The following GRIN1 variants were observed in gnomAD, a reference collection of about 807,000 sequenced individuals.
The protein encoded by GRIN1 is glutamate ionotropic receptor NMDA type subunit 1, also known as glutamate receptor ionotropic, NMDA 1.
GRIN1 carries 38 observed loss-of-function variants against 103.0 expected under a neutral mutation model. The ratio of observed to expected loss-of-function variants is 0.37; its 90% CI spans 0.28 to 0.48. The LOEUF (loss-of-function observed/expected upper bound fraction) is 0.48. Ranked by LOEUF, GRIN1 falls within the 20% of genes least tolerant of loss-of-function variation. The pLI, the probability that GRIN1 is intolerant of heterozygous loss-of-function variation, is 0.98. For missense variants in GRIN1, 577 were observed against 1,288.9 expected (o/e 0.45, Z 8.46); for synonymous variants, 544 against 532.7 (o/e 1.02, Z -0.29).
Position 137,146,247 on chromosome 9 carries a change from C to T in GRIN1, c.570+345C>T, listed in dbSNP as rs187275163. 3.3e-5 allele frequency among the ~76,000 whole-genome samples: 5 copies of T among 152,122 alleles called. No homozygotes were observed. Among genetic ancestry groups the T allele is most frequent in the African/African-American group, 4.8e-5 (2 of 41,520 alleles). On this transcript the variant is annotated intron_variant, in intron 3 of 19. Coordinates refer to ENST00000371561, the MANE Select transcript of GRIN1 (RefSeq NM_007327.4). This position sits in a 1 kb window ranked among gnomAD's most constrained non-coding sequence, Gnocchi z 6.7. ...GGCTTGGGACTCGTCACCCTTCCCG[C>T]CCACCCTGTCCTGAGTCCCCAGCAG...
chr9:137,164,162 C>G (rs1717301988), intron 18 of GRIN1: 1 of 548,122 alleles, frequency 1.8e-6, no homozygotes, highest in African/African-American at 1.9e-5. Flanking sequence ...CCTGGCCCCT[C>G]TGTCTCCAGA....
At position 137,168,157 on chromosome 9, in the gene GRIN1, A is replaced by G. The variant is rs1380179066; in HGVS notation, c.*630A>G. On this transcript the variant is annotated 3_prime_UTR_variant, in exon 20 of 20. Coordinates refer to ENST00000371561, the MANE Select transcript of GRIN1 (RefSeq NM_007327.4). ...GGCCCCAGGCGGAGGGGCTTGGAGCAGAGACGGCAGCCCCATCCTTCCCGC... is the reference window on the plus strand; with the variant it reads ...GGCCCCAGGCGGAGGGGCTTGGAGCGGAGACGGCAGCCCCATCCTTCCCGC... The G allele has an allele frequency of 1.0e-5, 5 of 480,234 alleles. 1 individual carries two copies. The highest frequency in any genetic ancestry group is 6.9e-5 in the South Asian group (3 of 43,574). 29.7% of individuals were successfully genotyped at this position (480,234 alleles called of 1,614,324 possible). A position where few individuals can be genotyped will look rare whatever the true frequency, so the allele number is the denominator to read the frequency against.
At position 137,157,026 on chromosome 9, in the gene GRIN1, G is replaced by C. The variant is rs766888803; in HGVS notation, c.957G>C (p.Pro319=). 6.2e-7 allele frequency: 1 copy of C among 1,610,758 alleles called. No individual in the cohort carries two copies. Among genetic ancestry groups the C allele is most frequent in the South Asian group, 1.1e-5 (1 of 91,018 alleles). ...ACACCAACATCTGGAAGACCGGGCCGCTCTTCAAGAGGTGGGCGGGGCCTC... is the reference window on the plus strand; with the variant it reads ...ACACCAACATCTGGAAGACCGGGCCCCTCTTCAAGAGGTGGGCGGGGCCTC... ...VGNTNIWKTG[P]LFKRVLMSSK... is the part of the protein sequence containing the mutation. Residue 319 remains proline, a synonymous_variant, in exon 6 of 20, where the codon CCG becomes CCC. Transcript: ENST00000371561.
Position 137,167,695 on chromosome 9 carries a change from G to T in GRIN1, c.*168G>T, listed in dbSNP as rs1016453298. On this transcript the variant is annotated 3_prime_UTR_variant, in exon 20 of 20. Coordinates refer to ENST00000371561, the MANE Select transcript of GRIN1 (RefSeq NM_007327.4). ...CCGCCCGCCGGTTGGCCGGCTGGCC[G>T]GTCCACCCCGTCCCGGCCCCGCGCG... 29 of 1,592,850 alleles carry T rather than the reference G, an allele frequency of 1.8e-5. No individual in the cohort carries two copies. Among genetic ancestry groups the T allele is most frequent in the Non-Finnish European group, 2.3e-5 (27 of 1,170,002 alleles).
Position 137,163,652 on chromosome 9 carries a change from T to C in GRIN1, c.2427T>C (p.Thr809=). The part of the protein sequence containing the change: ...DSRSNAPATL[T]FENMAGVFML... ...GCAGCAACGCCCCTGCGACCCTTAC[T>C]TTTGAGAACATGGCCGGTGCGTTCT... is the stretch of plus-strand genomic sequence containing the variant. The change falls in exon 17 of 20, where the codon ACT becomes ACC. Residue 809 remains threonine (T), a synonymous_variant. Coordinates refer to ENST00000371561, the MANE Select transcript of GRIN1 (RefSeq NM_007327.4). 1.9e-6 allele frequency: 3 copies of C among 1,613,558 alleles called. No homozygotes were observed. Among genetic ancestry groups the C allele is most frequent in the Non-Finnish European group, 2.5e-6 (3 of 1,179,770 alleles).
At chr9:137,154,839 A>C (rs1833126958) in intron 4 of GRIN1, among the ~76,000 whole-genome samples, 1 of 152,176 alleles carries the variant, frequency 6.6e-6, no homozygotes, top group Admixed American at 6.5e-5. Flanking sequence ...GTGGAGGCCA[A>C]AGTCCCACAG....
At chr9:137,148,141 T>C in intron 3 of GRIN1, 1 of 1,511,012 alleles carries the variant, frequency 6.6e-7, no homozygotes. Context: ...TCTGTGCACA[T>C]TATTCATCAG....
intron 2 of GRIN1, 82 bp downstream of exon 2, chr9:137,142,229 C>CGCT: frequency 7.0e-7 from 1 of 1,424,656 alleles, no homozygotes; most frequent in Non-Finnish European, 9.8e-7. Flanking sequence ...CGGGCCGACC[C>CGCT]GCTCACATGG....
At chr9:137,144,593 T>A (rs995561304) in intron 2 of GRIN1, among the ~76,000 whole-genome samples, 2 of 149,362 alleles carry the variant, frequency 1.3e-5, no homozygotes, top group Non-Finnish European at 3.0e-5. Context: ...AGGCGGAGCC[T>A]GCAGTGAGCC....
intron 4 of GRIN1, among the ~76,000 whole-genome samples, chr9:137,154,834 G>A (rs1348703856): frequency 1.3e-5 from 2 of 152,184 alleles, no homozygotes; most frequent in Non-Finnish European, 2.9e-5. Context: ...TTGGAGTGGA[G>A]GCCAAAGTCC....
At chr9:137,151,008 G>C (rs1305254965) in intron 4 of GRIN1, among the ~76,000 whole-genome samples, 2 of 110,786 alleles carry the variant, frequency 1.8e-5, no homozygotes, top group Non-Finnish European at 3.6e-5. Flanking sequence ...GGAAAACTCT[G>C]CCCAGATAAA....
chr9:137,165,437 C>T, intron 19 of GRIN1, 141 bp downstream of exon 19: 1 of 697,520 alleles, frequency 1.4e-6, no homozygotes. Flanking sequence ...CCGCTCTGCC[C>T]AGCCCGCCCA....
At chr9:137,148,945 C>G (rs1195715126) in intron 3 of GRIN1, 64 bp from the exon 4 acceptor site, 70 of 1,224,506 alleles carry the variant, frequency 5.7e-5, no homozygotes, top group Non-Finnish European at 8.2e-5. Flanking sequence ...CGGCCCAACT[C>G]TCACCCCTGA....
chr9:137,147,191 C>T (rs1832589900), intron 3 of GRIN1, among the ~76,000 whole-genome samples: 1 of 152,076 alleles, frequency 6.6e-6, no homozygotes, highest in Non-Finnish European at 1.5e-5. Flanking sequence ...GCACACATTC[C>T]CATCACACTC....
chr9:137,163,240 C>T lies in GRIN1; in HGVS notation c.2243C>T (p.Thr748Met). 6.2e-7 allele frequency: 1 copy of T among 1,613,746 alleles called. No homozygotes were observed. ...GCCTCGCAGAAGTGCGACCTGGTGA[C>T]GACTGGAGAGCTGTTTTTCCGCTCG... ...FEASQKCDLV[T>M]TGELFFRSGF... Residue 748 changes from threonine to methionine, a missense_variant, in exon 16 of 20, where the codon ACG becomes ATG. By Grantham distance (81) the Thr-to-Met change is moderately conservative. Transcript: ENST00000371561.
At chr9:137,166,738 A>G (rs1833897795) in intron 19 of GRIN1, among the ~76,000 whole-genome samples, 1 of 152,256 alleles carries the variant, frequency 6.6e-6, no homozygotes, top group African/African-American at 2.4e-5. Flanking sequence ...TGGAAGCACC[A>G]TTCCTGGAGC....
At chr9:137,160,824 C>A (rs1178150410) in intron 8 of GRIN1, among the ~76,000 whole-genome samples, 1 of 152,228 alleles carries the variant, frequency 6.6e-6, no homozygotes, top group Non-Finnish European at 1.5e-5. Context: ...CCCCACCCCC[C>A]CGGGGCTGCA....
rs560933672 is a variant in GRIN1 at position 137,166,384 on chromosome 9, G to A, written c.2701-1027G>A. Among the ~76,000 whole-genome samples, 10 of 152,340 alleles carry A rather than the reference G, an allele frequency of 6.6e-5. No individual in the cohort carries two copies. The South Asian group carries it at 1.0e-3, about 16-fold the overall frequency. On this transcript the variant is annotated intron_variant, in intron 19 of 19. Transcript: ENST00000371561. ...GGGAGGGGCTGCCCAGAGAGGCAGC[G>A]GAGACCTCAGCCCCGTGGCCACCCT... is the stretch of plus-strand genomic sequence containing the variant.
At chr9:137,152,814 G>A (rs1456038738) in intron 4 of GRIN1, among the ~76,000 whole-genome samples, 1 of 152,090 alleles carries the variant, frequency 6.6e-6, no homozygotes, top group African/African-American at 2.4e-5. Flanking sequence ...ATACACACGT[G>A]CACAAATGCA....
Sources: gnomAD v4.1 joint callset for allele counts (sites outside exome capture counted in the v4.1 genomes callset) on GRCh38, gnomAD v4.1.1 for gene constraint, Gnocchi (gnomAD v3.1) non-coding constraint, MANE v1.5 for transcripts, NCBI Gene and HGNC (gene_info 2026-07-23, HGNC 2026-07-21) for gene names.